Variants in ZNF469 observed in about 807,000 individuals in gnomAD.
ZNF469 encodes zinc finger protein 469.
ZNF469 carries 1 observed loss-of-function variant against 1.0 expected under a neutral mutation model. That is an observed-to-expected ratio of 1.00 (90% confidence interval 0.35 to 4.73). The LOEUF is 4.73. Among genes scored for constraint, ZNF469 ranks in the 30% most tolerant of loss-of-function variants. The pLI is 0.16. For synonymous variants in ZNF469, 2,703 were observed against 2,363.4 expected (o/e 1.14, Z -4.17); for missense variants, 6,100 against 5,356.3 (o/e 1.14, Z -4.33).
the ZNF469 span, among the ~76,000 whole-genome samples, chr16:88,131,803 G>A: frequency 1.4e-3 from 218 of 152,328 alleles, no homozygotes; most frequent in African/African-American, 4.9e-3. Flanking sequence ...CCTAGATGCT[G>A]CCCTGGGACA....
the ZNF469 span, among the ~76,000 whole-genome samples, chr16:88,144,497 C>T: frequency 2.0e-5 from 3 of 152,182 alleles, no homozygotes; most frequent in East Asian, 1.9e-4. Context: ...GCCCGTGACA[C>T]GTGACATTTA....
At chr16:88,398,335 C>T (rs551729714) in intron 1 of ZNF469, among the ~76,000 whole-genome samples, 5 of 152,148 alleles carry the variant, frequency 3.3e-5, no homozygotes, top group South Asian at 2.1e-4. Context: ...ACGTGAGCCA[C>T]GGGTGAAGGG....
chr16:88,177,461 TTA>T, the ZNF469 span: 9,684 of 152,152 alleles, frequency 0.064, 418 homozygotes, highest in East Asian at 0.15. The surrounding 1 kb of genome is among the most constrained non-coding windows in gnomAD (Gnocchi z 4.8). Context: ...AATCAGGATA[TTA>T]GTTATATTTG....
the ZNF469 span, among the ~76,000 whole-genome samples, chr16:88,316,589 C>G: frequency 8.0e-6 from 1 of 124,420 alleles, no homozygotes; most frequent in African/African-American, 3.2e-5. Flanking sequence ...TTCTGTCGCT[C>G]AGGCTGGAGT....
At chr16:88,236,813 G>C in the ZNF469 span, among the ~76,000 whole-genome samples, 5 of 151,520 alleles carry the variant, frequency 3.3e-5, no homozygotes, top group Non-Finnish European at 5.9e-5. Context: ...GTTGCTGTGA[G>C]CCGAGCTAGT....
intron 1 of ZNF469, among the ~76,000 whole-genome samples, chr16:88,397,655 G>GAGATAGATGATTGATAGATAGATAGAT (rs1555516248): frequency 1.5e-5 from 2 of 134,674 alleles, no homozygotes; most frequent in African/African-American, 2.9e-5. Flanking sequence ...ATATAAATAA[G>GAGATAGATGATTGATAGATAGATAGAT]AGATAGATAG....
rs1185938050 is a variant in ZNF469 at position 88,382,975 on chromosome 16, G to C, written c.-471G>C. On this transcript the variant is annotated 5_prime_UTR_variant, in exon 1 of 3. Coordinates refer to ENST00000565624, the MANE Select transcript of ZNF469 (RefSeq NM_001367624.2). ...CCGGGGGGCAGACCCCGCGGCCGCC[G>C]GCCGGCGTCCGGCCTTCCCAGCACC... Among the ~76,000 whole-genome samples the C allele has an allele frequency of 6.6e-6, 1 of 151,850 alleles. No homozygotes were observed. The highest frequency in any genetic ancestry group is 2.4e-5 in the African/African-American group (1 of 41,388).
chr16:88,239,668 T>C, the ZNF469 span, among the ~76,000 whole-genome samples: 1 of 4,034 alleles, frequency 2.5e-4, no homozygotes, highest in East Asian at 8.9e-3. Context: ...TTTTTTTTTG[T>C]ATATATATAT....
At chr16:88,248,338 T>G in the ZNF469 span, among the ~76,000 whole-genome samples, 3 of 152,206 alleles carry the variant, frequency 2.0e-5, no homozygotes, top group African/African-American at 7.2e-5. Context: ...ATCCGTGTCT[T>G]TGATAAAAGC....
chr16:88,112,245 C>A, the ZNF469 span, among the ~76,000 whole-genome samples: 1 of 152,156 alleles, frequency 6.6e-6, no homozygotes, highest in Non-Finnish European at 1.5e-5. Flanking sequence ...CCAGTAAACA[C>A]AGGACTGCAG....
upstream of ZNF469, among the ~76,000 whole-genome samples, chr16:88,381,138 T>TCA (rs745666882): frequency 6.7e-5 from 4 of 59,870 alleles, no homozygotes; most frequent in Non-Finnish European, 1.3e-4. Context: ...AGACATGCAC[T>TCA]CACACACACA....
the ZNF469 span, among the ~76,000 whole-genome samples, chr16:88,297,625 G>T: frequency 6.6e-6 from 1 of 152,084 alleles, no homozygotes; most frequent in Non-Finnish European, 1.5e-5. Context: ...GCTCACTCCA[G>T]TCTCCAGGGC....
At chr16:88,345,248 C>T in the ZNF469 span, among the ~76,000 whole-genome samples, 1 of 152,210 alleles carries the variant, frequency 6.6e-6, no homozygotes, top group East Asian at 1.9e-4. Flanking sequence ...GCGCCATCCA[C>T]GCACACCTCG....
chr16:88,381,501 A>G (rs565316902), upstream of ZNF469, among the ~76,000 whole-genome samples: 10 of 152,356 alleles, frequency 6.6e-5, no homozygotes, highest in African/African-American at 2.4e-4. Context: ...AGAAGGAAGG[A>G]AACGCCCTCT....
intron 1 of ZNF469, among the ~76,000 whole-genome samples, chr16:88,411,490 G>A (rs112091969): frequency 0.018 from 282 of 15,688 alleles, no homozygotes; most frequent in South Asian, 0.038. Flanking sequence ...GCAGGGGTGC[G>A]AGCGGGCAGG....
chr16:88,303,050 T>C, the ZNF469 span, among the ~76,000 whole-genome samples: 7 of 152,128 alleles, frequency 4.6e-5, no homozygotes, highest in African/African-American at 1.7e-4. Context: ...TTGGGTCCCT[T>C]AGGGTTGAAC....
the ZNF469 span, among the ~76,000 whole-genome samples, chr16:88,375,685 G>T: frequency 6.6e-6 from 1 of 152,220 alleles, no homozygotes; most frequent in East Asian, 1.9e-4. Flanking sequence ...GGGCGCCATC[G>T]CAGGCATGAG....
intron 1 of ZNF469, among the ~76,000 whole-genome samples, chr16:88,419,313 C>A (rs763217664): frequency 4.6e-4 from 70 of 152,290 alleles, no homozygotes; most frequent in Non-Finnish European, 8.1e-4. Flanking sequence ...CCGGAGGGAA[C>A]CGACAGACTG....
At position 88,434,899 on chromosome 16, in the gene ZNF469, T is replaced by C; in HGVS notation, c.7429T>C (p.Cys2477Arg). The part of the protein sequence containing the change: ...APHGPVTCEV[C>R]AASFRSGPGL... ...ACATGGGCCTGTGACCTGTGAGGTC[T>C]GCGCAGCCTCCTTCCGCTCCGGGCC... Residue 2477 changes from cysteine (C) to arginine (R), a missense_variant, in exon 3 of 3, where the codon TGC becomes CGC. By Grantham distance (180) the Cys-to-Arg change is radical. Transcript: ENST00000565624. 1 of 1,550,330 alleles carries C rather than the reference T, an allele frequency of 6.5e-7. No homozygotes were observed. The highest frequency in any genetic ancestry group is 2.0e-5 in the Admixed American group (1 of 51,018).
Sources: gnomAD v4.1 joint callset for allele counts (sites outside exome capture counted in the v4.1 genomes callset) on GRCh38, gnomAD v4.1.1 for gene constraint, Gnocchi (gnomAD v3.1) non-coding constraint, MANE v1.5 for transcripts, NCBI Gene and HGNC (gene_info 2026-07-23, HGNC 2026-07-21) for gene names.